The following CHRNB3 variants were observed in gnomAD, a reference collection of about 807,000 sequenced individuals.
The protein encoded by CHRNB3 is neuronal acetylcholine receptor subunit beta-3.
Under a neutral mutation model 40.6 loss-of-function variants are expected in CHRNB3, and 37 were observed. The ratio of observed to expected loss-of-function variants is 0.91; its 90% CI spans 0.70 to 1.20. The LOEUF is 1.20. Ranked by LOEUF, CHRNB3 falls within the 50% of genes most tolerant of loss-of-function variation. The pLI is 0.00. For synonymous variants in CHRNB3, 207 were observed against 207.1 expected (o/e 1.00, Z 0.00); for missense variants, 505 against 551.2 (o/e 0.92, Z 0.84).
chr8:42,716,362 A>G (rs1200130233), intron 3 of CHRNB3, among the ~76,000 whole-genome samples: 2 of 135,302 alleles, frequency 1.5e-5, no homozygotes, highest in Admixed American at 1.4e-4. Flanking sequence ...AACAAATGCC[A>G]AATTTACTCA....
intron 1 of CHRNB3, among the ~76,000 whole-genome samples, chr8:42,700,324 G>GT (rs1016627076): frequency 5.7e-5 from 8 of 139,596 alleles, no homozygotes; most frequent in Admixed American, 3.6e-4. Context: ...CTTGTTTTTT[G>GT]TTTTTTGTGG....
intron 3 of CHRNB3, 123 bp from the exon 4 acceptor site, chr8:42,730,471 A>G (rs1816387162): frequency 3.2e-6 from 2 of 616,596 alleles, no homozygotes; most frequent in Non-Finnish European, 2.7e-6. Context: ...ACGCAGTCCA[A>G]CCGGGACAAT....
At chr8:42,703,435 A>AAATATATATATATATATAT in intron 1 of CHRNB3, among the ~76,000 whole-genome samples, 1 of 47,398 alleles carries the variant, frequency 2.1e-5, no homozygotes, top group South Asian at 8.7e-4. Context: ...AAAAAAAAAA[A>AAATATATATATATATATAT]ATATTTATAT....
chr8:42,697,623 A>C (rs763836717), intron 1 of CHRNB3, 25 bp downstream of exon 1: 1 of 1,581,572 alleles, frequency 6.3e-7, no homozygotes, highest in South Asian at 1.1e-5. Flanking sequence ...CAGTAAATTA[A>C]AACTACAGTT....
chr8:42,720,591 G>A (rs1816205233), intron 3 of CHRNB3, among the ~76,000 whole-genome samples: 1 of 152,144 alleles, frequency 6.6e-6, no homozygotes, highest in African/African-American at 2.4e-5. Context: ...CCCAGGATAA[G>A]AGGTTGAGGC....
At position 42,736,741 on chromosome 8, in the gene CHRNB3, A is replaced by C; in HGVS notation, c.*123A>C. ...AATGCGTTGTCTTTGTGGAAATGGA[A>C]CATCTCCTCATGGGAGAAACTCTGG... On this transcript the variant is annotated 3_prime_UTR_variant, in exon 6 of 6. Transcript: ENST00000289957. 2 of 1,150,224 alleles carry C rather than the reference A, an allele frequency of 1.7e-6. No homozygotes were observed. Among genetic ancestry groups the C allele is most frequent in the Non-Finnish European group, 2.5e-6 (2 of 790,182 alleles). The allele number at this position is 1,150,224 out of a possible 1,614,324, so 71.3% of individuals were successfully genotyped here.
chr8:42,736,062 C>T (rs543469935), intron 5 of CHRNB3, among the ~76,000 whole-genome samples: 3 of 152,240 alleles, frequency 2.0e-5, no homozygotes, highest in African/African-American at 4.8e-5. Context: ...GAGGGAGTTT[C>T]ACCATGTTGG....
Position 42,708,814 on chromosome 8 carries a change from T to C in CHRNB3, c.150T>C (p.Ser50=). The change falls in exon 2 of 6, where the codon TCT becomes TCC. Residue 50 remains serine, a synonymous_variant. Coordinates refer to ENST00000289957, the MANE Select transcript of CHRNB3 (RefSeq NM_000749.5). ...AATGGGTCCGCCCTGTATTACATTC[T>C]AATGACACCATAAAAGTATATTTTG... ...YQKWVRPVLH[S]NDTIKVYFGL... is the part of the protein sequence containing the mutation. The C allele has an allele frequency of 6.2e-7, 1 of 1,614,100 alleles. No individual in the cohort carries two copies. The highest frequency in any genetic ancestry group is 8.5e-7 in the Non-Finnish European group (1 of 1,179,956).
At chr8:42,700,099 C>T (rs1815758945) in intron 1 of CHRNB3, among the ~76,000 whole-genome samples, 1 of 151,502 alleles carries the variant, frequency 6.6e-6, no homozygotes, top group South Asian at 2.1e-4. Flanking sequence ...CTGCAAGCTC[C>T]GCCTCCCGGG....
chr8:42,700,205 T>C (rs148880022), intron 1 of CHRNB3, among the ~76,000 whole-genome samples: 1,672 of 152,132 alleles, frequency 0.011, 36 homozygotes, highest in African/African-American at 0.039. Flanking sequence ...TTAGTAGAGA[T>C]GCGGTTTCAC....
intron 3 of CHRNB3, among the ~76,000 whole-genome samples, chr8:42,718,672 CAAAAAA>C (rs59911208): frequency 1.9e-4 from 16 of 82,712 alleles, no homozygotes; most frequent in African/African-American, 8.0e-4. Flanking sequence ...GACTCTGTCT[CAAAAAA>C]AAAAAAAAAA....
intron 5 of CHRNB3, among the ~76,000 whole-genome samples, chr8:42,733,896 A>G (rs1473711794): frequency 6.7e-6 from 1 of 148,508 alleles, no homozygotes; most frequent in Non-Finnish European, 1.5e-5. Flanking sequence ...TGACCAGCCC[A>G]TTCTTCTAAA....
At chr8:42,718,455 C>T (rs1296074594) in intron 3 of CHRNB3, among the ~76,000 whole-genome samples, 1 of 151,902 alleles carries the variant, frequency 6.6e-6, no homozygotes, top group Non-Finnish European at 1.5e-5. Flanking sequence ...AGGCAGATCA[C>T]GAGGTCAGGA....
chr8:42,732,393 G>A lies in CHRNB3; in HGVS notation c.1086G>A (p.Glu362=), dbSNP rs149051282. ...HVDRYSSPEK[E]ESQPVVKGKV... is the part of the protein sequence containing the mutation. ...ATCGCTACTCATCCCCAGAGAAAGA[G>A]GAGAGTCAACCAGTAGTGAAAGGCA... Residue 362 remains glutamate (E), a synonymous_variant, in exon 5 of 6, where the codon GAG becomes GAA. Transcript: ENST00000289957. 1.2e-5 allele frequency: 19 copies of A among 1,613,812 alleles called. No homozygotes were observed. The highest frequency in any genetic ancestry group is 1.5e-5 in the Non-Finnish European group (18 of 1,179,998).
chr8:42,720,858 A>G (rs1488553026), intron 3 of CHRNB3, among the ~76,000 whole-genome samples: 1 of 152,256 alleles, frequency 6.6e-6, no homozygotes, highest in African/African-American at 2.4e-5. Context: ...ACAAGACAGA[A>G]GTGCTAGAAT....
intron 5 of CHRNB3, among the ~76,000 whole-genome samples, chr8:42,734,420 A>ATT (rs1296315067): frequency 1.3e-4 from 18 of 138,654 alleles, no homozygotes; most frequent in South Asian, 2.4e-4. Flanking sequence ...TGATGAAAGA[A>ATT]TTTTTTTTTT....
chr8:42,706,588 G>C (rs994925888), intron 1 of CHRNB3, among the ~76,000 whole-genome samples: 5 of 152,008 alleles, frequency 3.3e-5, no homozygotes, highest in Admixed American at 2.6e-4. Context: ...GAAAAAGAGA[G>C]GAGTCAAGGA....
intron 3 of CHRNB3, among the ~76,000 whole-genome samples, chr8:42,716,474 A>C (rs62516752): frequency 0.057 from 8,709 of 152,212 alleles, 327 homozygotes; most frequent in Middle Eastern, 0.1. Context: ...AAAGAACTCA[A>C]GGACAGCGGC....
intron 3 of CHRNB3, among the ~76,000 whole-genome samples, chr8:42,724,626 C>T (rs1563613736): frequency 1.3e-5 from 2 of 152,120 alleles, no homozygotes; most frequent in African/African-American, 4.8e-5. Flanking sequence ...TGCAGCAAAG[C>T]AGGACTCCTT....
Sources: allele counts gnomAD v4.1 joint callset (sites outside exome capture counted in the v4.1 genomes callset), GRCh38; gene constraint gnomAD v4.1.1; transcripts MANE v1.5; gene names NCBI Gene and HGNC (gene_info 2026-07-23, HGNC 2026-07-21).